The following MIA2 variants were observed in gnomAD, a reference collection of about 807,000 sequenced individuals.
MIA2 encodes the protein melanoma inhibitory activity protein 2.
In MIA2, 127 loss-of-function variants were observed where a neutral mutation model predicts 167.8. The ratio of observed to expected loss-of-function variants is 0.76; its 90% CI spans 0.66 to 0.88. The LOEUF is 0.88. Among genes scored for constraint, MIA2 ranks in the 40% least tolerant of loss-of-function variants. The pLI, the probability that MIA2 is intolerant of heterozygous loss-of-function variation, is 0.00. For synonymous variants in MIA2, 552 were observed against 541.9 expected, an observed-to-expected ratio of 1.02 and a Z score of -0.26; for missense variants, 1,690 against 1,624.7, an observed-to-expected ratio of 1.04 and a Z score of -0.69.
At chr14:39,353,190 T>A (rs149216474), downstream of MIA2, among the ~76,000 whole-genome samples, 2 of 152,326 alleles carry the variant, frequency 1.3e-5, no homozygotes. Flanking sequence ...TCTGTACATA[T>A]GATTATCATT....
intron 9 of MIA2, 36 bp from the exon 10 acceptor site, chr14:39,290,983 G>C: frequency 6.5e-7 from 1 of 1,542,886 alleles, no homozygotes. Flanking sequence ...GAATACAATT[G>C]GTAGAGTTTT....
chr14:39,386,874 T>A, intron 23 of MIA2: 1 of 842,542 alleles, frequency 1.2e-6, no homozygotes, highest in Non-Finnish European at 2.1e-6. Context: ...GCGGTCGTTC[T>A]CTCTCACCAG....
chr14:39,237,865 G>A (rs1204897757), intron 2 of MIA2, among the ~76,000 whole-genome samples: 4 of 151,982 alleles, frequency 2.6e-5, no homozygotes, highest in South Asian at 2.1e-4. Context: ...TCAGCCTCCC[G>A]AATAGCTGGG....
chr14:39,345,239 A>G (rs778707500), intron 25 of MIA2, among the ~76,000 whole-genome samples: 1 of 151,800 alleles, frequency 6.6e-6, no homozygotes, highest in African/African-American at 2.4e-5. Context: ...ATGCCTGGCT[A>G]ATTTTTATAT....
intron 4 of MIA2, 67 bp downstream of exon 4, chr14:39,248,208 A>G: frequency 1.8e-6 from 2 of 1,140,390 alleles, no homozygotes; most frequent in Non-Finnish European, 2.3e-6. Flanking sequence ...TTATAAGTGC[A>G]AATCAGATGA....
At chr14:39,321,125 T>C (rs867274829) in intron 24 of MIA2, 69 bp downstream of exon 24, 1 of 1,443,938 alleles carries the variant, frequency 6.9e-7, no homozygotes, top group Middle Eastern at 1.8e-4. Flanking sequence ...TCAACTTACC[T>C]TAAAAATGAT....
chr14:39,318,120 T>TCACAAGATATGC, intron 22 of MIA2, 109 bp downstream of exon 22: 4 of 722,170 alleles, frequency 5.5e-6, no homozygotes, highest in Non-Finnish European at 9.0e-6. Flanking sequence ...CCAGCATATC[T>TCACAAGATATGC]TGTGAGATAT....
intron 23 of MIA2, among the ~76,000 whole-genome samples, chr14:39,374,668 A>G (rs970074861): frequency 6.6e-6 from 1 of 152,218 alleles, no homozygotes; most frequent in Non-Finnish European, 1.5e-5. Context: ...GCAGTTAAGG[A>G]GGCTGTCCTC....
intron 23 of MIA2, among the ~76,000 whole-genome samples, chr14:39,365,460 G>A (rs531116113): frequency 1.3e-5 from 2 of 152,234 alleles, no homozygotes; most frequent in East Asian, 3.9e-4. Flanking sequence ...CATCACATAG[G>A]CTTTGTTCAT....
chr14:39,279,688 T>C (rs1222232455), intron 9 of MIA2, 151 bp downstream of exon 9: 2 of 600,324 alleles, frequency 3.3e-6, no homozygotes, highest in Non-Finnish European at 5.7e-6. Flanking sequence ...ACTTAACCAG[T>C]CTTACTAATT....
chr14:39,355,205 C>G (rs952065608), downstream of MIA2, among the ~76,000 whole-genome samples: 34 of 151,880 alleles, frequency 2.2e-4, no homozygotes, highest in African/African-American at 8.0e-4. Flanking sequence ...AATGTTCTTC[C>G]ATTTGTTTGT....
chr14:39,298,553 T>G (rs1291806213), intron 13 of MIA2, among the ~76,000 whole-genome samples: 2 of 79,536 alleles, frequency 2.5e-5, no homozygotes, highest in South Asian at 3.2e-4. Flanking sequence ...TTTTTTTTTT[T>G]TGTGAGCAAC....
intron 13 of MIA2, among the ~76,000 whole-genome samples, chr14:39,299,178 G>C (rs892540393): frequency 5.4e-5 from 8 of 148,530 alleles, no homozygotes; most frequent in African/African-American, 2.0e-4. Context: ...GCTTTATGTA[G>C]TCAAGTCTAC....
intron 9 of MIA2, among the ~76,000 whole-genome samples, chr14:39,286,223 A>T (rs1300510258): frequency 2.0e-5 from 3 of 152,116 alleles, no homozygotes; most frequent in Admixed American, 6.5e-5. Flanking sequence ...CTGGCAGATC[A>T]CTCTTGGTTA....
chr14:39,265,374 T>G (rs759849803), intron 6 of MIA2: 2 of 1,601,786 alleles, frequency 1.2e-6, no homozygotes, highest in East Asian at 4.5e-5. Context: ...TTAGGAAATT[T>G]TAACATGAGC....
intron 9 of MIA2, among the ~76,000 whole-genome samples, chr14:39,286,685 C>T (rs1188497865): frequency 4.2e-5 from 5 of 118,828 alleles, no homozygotes; most frequent in African/African-American, 1.6e-4. Context: ...CCTTCTCTTC[C>T]TTCCTTCTTA....
intron 23 of MIA2, among the ~76,000 whole-genome samples, chr14:39,374,455 T>C (rs1340586766): frequency 6.6e-6 from 1 of 152,190 alleles, no homozygotes; most frequent in East Asian, 1.9e-4. Flanking sequence ...AGTGATAAAA[T>C]ATTAACTTTG....
chr14:39,265,101 G>A (rs2055390864), intron 6 of MIA2, among the ~76,000 whole-genome samples: 1 of 152,100 alleles, frequency 6.6e-6, no homozygotes, highest in African/African-American at 2.4e-5. Flanking sequence ...TAGATTGTAA[G>A]AGGGTAGTAA....
intron 14 of MIA2, among the ~76,000 whole-genome samples, chr14:39,301,873 T>C (rs552627398): frequency 1.3e-5 from 2 of 152,368 alleles, no homozygotes; most frequent in African/African-American, 2.4e-5. Flanking sequence ...TTACTACTTT[T>C]TAGTTGCATA....
Sources: allele counts gnomAD v4.1 joint callset (sites outside exome capture counted in the v4.1 genomes callset), GRCh38; gene constraint gnomAD v4.1.1; transcripts MANE v1.5; gene names NCBI Gene and HGNC (gene_info 2026-07-23, HGNC 2026-07-21).